The following ART3 variants were observed in gnomAD, a reference collection of about 807,000 sequenced individuals.
ART3 encodes the protein ecto-ADP-ribosyltransferase 3.
In ART3, 49 loss-of-function variants were observed where a neutral mutation model predicts 48.5. That is an observed-to-expected ratio of 1.01 (90% confidence interval 0.80 to 1.28). ART3 has a LOEUF of 1.28. Among genes scored for constraint, ART3 ranks in the 50% most tolerant of loss-of-function variants. The probability of loss-of-function intolerance (pLI) is 0.00; values close to 1 mark genes in which losing one functional copy is unlikely to be tolerated. For missense variants in ART3, 438 were observed against 454.3 expected, an observed-to-expected ratio of 0.96 and a Z score of 0.33; for synonymous variants, 145 against 157.2, an observed-to-expected ratio of 0.92 and a Z score of 0.58.
intron 10 of ART3, chr4:76,107,129 A>G (rs763545751): frequency 6.6e-6 from 1 of 152,208 alleles, no homozygotes; most frequent in African/African-American, 2.4e-5. Context: ...AAGGTAGGCT[A>G]GGTTAAGCCA....
chr4:76,097,518 T>C, intron 3 of ART3, 126 bp from the exon 4 acceptor site: 2 of 763,576 alleles, frequency 2.6e-6, no homozygotes, highest in Non-Finnish European at 4.3e-6. Flanking sequence ...GCAATTTGCA[T>C]CTTACTAATT....
chr4:76,099,027 C>T (rs1366467913), intron 5 of ART3, 40 bp downstream of exon 5: 2 of 1,567,878 alleles, frequency 1.3e-6, no homozygotes, highest in Non-Finnish European at 8.8e-7. Flanking sequence ...CTTGGTTGGG[C>T]ATGGTGGCTC....
At chr4:76,083,192 G>A (rs554901244) in intron 3 of ART3, among the ~76,000 whole-genome samples, 3 of 152,116 alleles carry the variant, frequency 2.0e-5, no homozygotes, top group Admixed American at 1.3e-4. Flanking sequence ...GCAAGACCCT[G>A]TCTCAAAAAA....
Position 76,095,804 on chromosome 4 carries a change from G to A in ART3, c.782-1840G>A, listed in dbSNP as rs1442096136. ...AATCCCCCTGGTGCCTGGTCCCCAG[G>A]CTGCACCTTTCAACTTACATCTGTA... is the stretch of plus-strand genomic sequence containing the variant. On this transcript the variant is annotated intron_variant, in intron 3 of 11. Coordinates refer to ENST00000355810, the MANE Select transcript of ART3 (RefSeq NM_001130016.3). 2.0e-5 allele frequency among the ~76,000 whole-genome samples: 3 copies of A among 152,172 alleles called. No homozygotes were observed. The East Asian group carries it at 5.8e-4, about 29-fold the overall frequency.
At chr4:76,013,076 TAGA>T (rs1731946068) in intron 1 of ART3, among the ~76,000 whole-genome samples, 1 of 152,152 alleles carries the variant, frequency 6.6e-6, no homozygotes, top group Non-Finnish European at 1.5e-5. Context: ...ACACTTATTA[TAGA>T]AGAAGTGGTA....
At chr4:76,062,639 C>T (rs1212284071) in intron 1 of ART3, among the ~76,000 whole-genome samples, 2 of 148,956 alleles carry the variant, frequency 1.3e-5, no homozygotes, top group Non-Finnish European at 3.0e-5. Context: ...CGGCTCACGG[C>T]AAGCTCCGCC....
chr4:76,070,321 GT>G (rs1720188318), upstream of ART3, among the ~76,000 whole-genome samples: 1 of 152,126 alleles, frequency 6.6e-6, no homozygotes, highest in South Asian at 2.1e-4. Flanking sequence ...ATGTATGAAA[GT>G]TTCAGTAGCT....
In ART3 at chr4:76,052,714, C is replaced by CTTTTTTTTTT. The variant is rs10644249; in HGVS notation, c.-9-23167_-9-23166insTTTTTTTTTT. Reference sequence around the variant, plus strand: ...CATGCGTGTACCCAATTTCTTTTTTCCTTCTTTTTTTTTTTTTTAAGACAG... The same window carrying CTTTTTTTTTT: ...CATGCGTGTACCCAATTTCTTTTTTCTTTTTTTTTTCTTCTTTTTTTTTTTTTTAAGACAG... On this transcript the variant is annotated intron_variant, in intron 1 of 9. Coordinates refer to the ART3 transcript ENST00000341029. Among the ~76,000 whole-genome samples the CTTTTTTTTTT allele has an allele frequency of 1.1e-4, 15 of 142,626 alleles. 2 individuals are homozygous for CTTTTTTTTTT. The highest frequency in any genetic ancestry group is 2.3e-4 in the East Asian group (1 of 4,350). 93.6% of individuals were successfully genotyped at this position (142,626 alleles called of 152,430 possible).
chr4:76,068,206 G>A (rs539461115), intron 1 of ART3, among the ~76,000 whole-genome samples: 1 of 152,166 alleles, frequency 6.6e-6, no homozygotes, highest in South Asian at 2.1e-4. Context: ...AATTTGAAGT[G>A]TACAGTTCTG....
intron 11 of ART3, among the ~76,000 whole-genome samples, chr4:76,111,707 T>G (rs1413489156): frequency 6.6e-6 from 1 of 151,726 alleles, no homozygotes; most frequent in African/African-American, 2.4e-5. Flanking sequence ...CACGCCCGGC[T>G]AATTCTGTAT....
chr4:76,027,925 T>G (rs76860894), intron 1 of ART3, among the ~76,000 whole-genome samples: 2 of 150,706 alleles, frequency 1.3e-5, no homozygotes, highest in African/African-American at 4.9e-5. Context: ...AAATCTCAGA[T>G]AGACTAAGAT....
intron 3 of ART3, among the ~76,000 whole-genome samples, chr4:76,094,328 AT>A (rs1277856625): frequency 6.6e-6 from 1 of 152,078 alleles, no homozygotes; most frequent in Non-Finnish European, 1.5e-5. Context: ...TAATACTAAC[AT>A]TTGTGTCAGC....
chr4:76,079,933 G>C (rs62318911), intron 2 of ART3, among the ~76,000 whole-genome samples: 39,810 of 130,766 alleles, frequency 0.3, 6,599 homozygotes, highest in African/African-American at 0.55. Context: ...CACACACACA[G>C]AGAGAGAGAG....
intron 3 of ART3, among the ~76,000 whole-genome samples, chr4:76,092,849 G>C (rs1279618402): frequency 1.3e-5 from 2 of 151,992 alleles, no homozygotes; most frequent in African/African-American, 4.8e-5. Context: ...TTCATTTTTA[G>C]ATGTTTTCTA....
At chr4:76,098,850 T>C (rs1017400484) in intron 4 of ART3, 105 bp from the exon 5 acceptor site, 3 of 940,320 alleles carry the variant, frequency 3.2e-6, no homozygotes, top group Admixed American at 2.7e-5. Context: ...TTCTTAAATA[T>C]AAGCCAACAC....
chr4:76,081,837 T>G lies in ART3; in HGVS notation c.83T>G (p.Val28Gly). 1 of 1,613,290 alleles carries G rather than the reference T, an allele frequency of 6.2e-7. No homozygotes were observed. Among genetic ancestry groups the G allele is most frequent in the East Asian group, 2.2e-5 (1 of 44,856 alleles). The change falls in exon 3 of 12, where the codon GTG (valine) becomes GGG (glycine). Residue 28 changes from valine (V) to glycine (G), a missense_variant. Val to Gly is a moderately radical substitution (Grantham distance 109, BLOSUM62 -3). This residue lies in a region of ART3 where 206 missense variants were observed against 205.3 expected (regional missense o/e 1.00). Coordinates refer to ENST00000355810, the MANE Select transcript of ART3 (RefSeq NM_001130016.3). ...LVDIFQVKAE[V>G]LDMADNAFDD... ...TTTCCTTTGAAGGTGAAGGCTGAAG[T>G]GTTAGACATGGCAGATAATGCATTT...
intron 1 of ART3, among the ~76,000 whole-genome samples, chr4:76,056,938 A>G (rs1301114993): frequency 6.6e-6 from 1 of 152,174 alleles, no homozygotes; most frequent in East Asian, 1.9e-4. Context: ...GTAGTTTATC[A>G]TGGCTTACAC....
intron 1 of ART3, among the ~76,000 whole-genome samples, chr4:76,048,354 G>A (rs1735712195): frequency 6.6e-6 from 1 of 151,856 alleles, no homozygotes; most frequent in African/African-American, 2.4e-5. Context: ...GAGAATATTG[G>A]GGCCAAGCCA....
At chr4:76,042,939 G>A (rs1208304056) in intron 1 of ART3, among the ~76,000 whole-genome samples, 4 of 151,468 alleles carry the variant, frequency 2.6e-5, no homozygotes, top group East Asian at 1.9e-4. Flanking sequence ...TTGACAGGGC[G>A]TGATTGGTGC....
Sources: gnomAD v4.1 joint callset for allele counts (sites outside exome capture counted in the v4.1 genomes callset) on GRCh38, gnomAD v4.1.1 for gene constraint, gnomAD v4.1.1 regional missense constraint, MANE v1.5 for transcripts, NCBI Gene and HGNC (gene_info 2026-07-23, HGNC 2026-07-21) for gene names.